Variants in CEP112 observed in about 807,000 individuals in gnomAD.
CEP112 encodes centrosomal protein 112.
In CEP112, 127 loss-of-function variants were observed where a neutral mutation model predicts 153.0. The ratio of observed to expected loss-of-function variants is 0.83; its 90% confidence interval spans 0.72 to 0.96. The LOEUF is 0.96. CEP112 is among the 40% of genes least tolerant of loss of function. The pLI, the probability that CEP112 is intolerant of heterozygous loss-of-function variation, is 0.00. For synonymous variants in CEP112, 358 were observed against 374.4 expected (o/e 0.96, Z 0.51); for missense variants, 1,089 against 1,101.2 (o/e 0.99, Z 0.16).
At chr17:65,759,742 C>A (rs1195813319) in intron 21 of CEP112, among the ~76,000 whole-genome samples, 1 of 152,084 alleles carries the variant, frequency 6.6e-6, no homozygotes, top group Non-Finnish European at 1.5e-5. Context: ...ATGAGGTAAG[C>A]GCTCATTTAG....
At chr17:66,018,240 G>T (rs915069458) in intron 16 of CEP112, among the ~76,000 whole-genome samples, 8 of 152,102 alleles carry the variant, frequency 5.3e-5, no homozygotes, top group African/African-American at 1.9e-4. Flanking sequence ...TTTCAAACAT[G>T]AGAATTTGCT....
chr17:65,755,745 A>G (rs1010672742), intron 21 of CEP112, among the ~76,000 whole-genome samples: 2 of 151,948 alleles, frequency 1.3e-5, no homozygotes, highest in Admixed American at 1.3e-4. Flanking sequence ...TAGATGAATG[A>G]GGTTGTCATT....
At position 65,738,358 on chromosome 17, in the gene CEP112, C is replaced by T. The variant is rs576775842; in HGVS notation, c.2607+4710G>A. 3.9e-5 allele frequency among the ~76,000 whole-genome samples: 6 copies of T among 152,256 alleles called. No homozygotes were observed. The East Asian group carries it at 9.6e-4, about 24-fold the overall frequency. The stretch of plus-strand genomic sequence containing the variant: ...CAGAAAGTATAAGGGTGCAAAAGTA[C>T]ACATTTTTCAGCCAAAATCAACATG... On this transcript the variant is annotated intron_variant, in intron 23 of 26. Coordinates refer to ENST00000535342, the MANE Select transcript of CEP112 (RefSeq NM_001199165.4).
chr17:65,946,848 G>A (rs191723445), intron 18 of CEP112, among the ~76,000 whole-genome samples: 3 of 151,854 alleles, frequency 2.0e-5, no homozygotes, highest in Admixed American at 6.6e-5. Context: ...GCTTATTCAG[G>A]TCTTCTTTAG....
chr17:65,984,298 A>C (rs1295833363), intron 17 of CEP112, among the ~76,000 whole-genome samples: 1 of 152,232 alleles, frequency 6.6e-6, no homozygotes, highest in African/African-American at 2.4e-5. Flanking sequence ...ATAACCAATC[A>C]GTTCCACTTG....
chr17:66,108,608 C>G (rs760106413), intron 6 of CEP112, among the ~76,000 whole-genome samples: 4 of 151,884 alleles, frequency 2.6e-5, no homozygotes, highest in Non-Finnish European at 5.9e-5. Flanking sequence ...AAAAGACAGG[C>G]AATAATAAAT....
chr17:65,824,216 C>A (rs1032421385), intron 21 of CEP112, among the ~76,000 whole-genome samples: 22 of 152,164 alleles, frequency 1.4e-4, no homozygotes, highest in Non-Finnish European at 2.6e-4. Context: ...CAATGGAATA[C>A]TACTAAGCAA....
intron 20 of CEP112, among the ~76,000 whole-genome samples, chr17:65,871,618 G>C (rs2058673255): frequency 1.3e-5 from 2 of 152,198 alleles, no homozygotes; most frequent in South Asian, 4.1e-4. Flanking sequence ...CTGGGTGACA[G>C]AGCGAGACTC....
chr17:65,778,027 C>A (rs940361234), intron 21 of CEP112, among the ~76,000 whole-genome samples: 1 of 148,806 alleles, frequency 6.7e-6, no homozygotes, highest in African/African-American at 2.5e-5. Context: ...CAATCATTAG[C>A]CCATCTCTAA....
rs115046509 is a variant in CEP112, at chr17:66,167,691, G to C, written c.470+7353C>G. 5.2e-4 allele frequency among the ~76,000 whole-genome samples: 79 copies of C among 152,288 alleles called. 1 individual carries two copies. The East Asian group carries it at 0.012, about 24-fold the overall frequency. ...CTGCATAAAGTACTTATGCCTATAT[G>C]ATACACTAGAAAGAACATGGGTGTG... On this transcript the variant is annotated intron_variant, in intron 4 of 26. Transcript: ENST00000535342.
chr17:66,109,867 T>C (rs551798557), intron 6 of CEP112, among the ~76,000 whole-genome samples: 5 of 152,112 alleles, frequency 3.3e-5, no homozygotes, highest in Non-Finnish European at 7.4e-5. Flanking sequence ...TTTATAAAGA[T>C]ATAATAAAAC....
intron 6 of CEP112, among the ~76,000 whole-genome samples, chr17:66,101,714 C>CT (rs1403040971): frequency 1.3e-5 from 2 of 151,662 alleles, no homozygotes; most frequent in Non-Finnish European, 2.9e-5. Flanking sequence ...AAACCAAATA[C>CT]TATTGATTAG....
intron 18 of CEP112, among the ~76,000 whole-genome samples, chr17:65,936,948 TGCGATTGCAG>T (rs1457144366): frequency 6.6e-6 from 1 of 151,102 alleles, no homozygotes; most frequent in Non-Finnish European, 1.5e-5. Context: ...GCCGAGTGCC[TGCGATTGCAG>T]GCGCACGTCA....
At chr17:65,962,965 T>TTC (rs1599160542) in intron 17 of CEP112, among the ~76,000 whole-genome samples, 1 of 152,198 alleles carries the variant, frequency 6.6e-6, no homozygotes, top group East Asian at 1.9e-4. Context: ...AGTTTATGTC[T>TTC]TCTCTCATTT....
At chr17:65,839,822 G>C (rs1462122309) in intron 21 of CEP112, among the ~76,000 whole-genome samples, 1 of 151,918 alleles carries the variant, frequency 6.6e-6, no homozygotes, top group East Asian at 1.9e-4. Flanking sequence ...AATTCAGTAA[G>C]GTTGCAGGAC....
chr17:65,670,303 G>T (rs1208926124), intron 24 of CEP112, among the ~76,000 whole-genome samples: 6 of 150,888 alleles, frequency 4.0e-5, no homozygotes, highest in Non-Finnish European at 8.8e-5. Flanking sequence ...CAACAGGCAG[G>T]ATTTCAACTC....
At chr17:65,902,648 T>C (rs1475970853) in intron 19 of CEP112, among the ~76,000 whole-genome samples, 1 of 151,892 alleles carries the variant, frequency 6.6e-6, no homozygotes, top group African/African-American at 2.4e-5. Flanking sequence ...TCAGCAATGG[T>C]TATAAATGGT....
chr17:65,803,386 AT>A (rs2055394579), intron 21 of CEP112, among the ~76,000 whole-genome samples: 1 of 152,254 alleles, frequency 6.6e-6, no homozygotes, highest in Non-Finnish European at 1.5e-5. Flanking sequence ...AGAAATGAAG[AT>A]TAGAGTGGAG....
intron 12 of CEP112, chr17:66,043,102 C>T: frequency 1.0e-6 from 1 of 980,576 alleles, no homozygotes; most frequent in Non-Finnish European, 1.2e-6. Context: ...CTACCTTAAC[C>T]TACCATAGAG....
Sources: allele counts gnomAD v4.1 joint callset (sites outside exome capture counted in the v4.1 genomes callset), GRCh38; gene constraint gnomAD v4.1.1; transcripts MANE v1.5; gene names NCBI Gene and HGNC (gene_info 2026-07-23, HGNC 2026-07-21).